Variants in GRID1 observed in about 807,000 individuals in gnomAD.
GRID1 encodes the protein glutamate ionotropic receptor delta type subunit 1.
A neutral mutation model predicts 98.0 loss-of-function variants in GRID1; 28 were observed. The observed-to-expected ratio is 0.29, with a 90% CI of 0.21 to 0.39. The LOEUF (loss-of-function observed/expected upper bound fraction) is 0.39, where lower values mean the gene tolerates loss of function less well. GRID1 is among the 10% of genes least tolerant of loss of function. GRID1 has a pLI of 1.00. For missense variants in GRID1, 1,111 were observed against 1,340.5 expected, an observed-to-expected ratio of 0.83 and a Z score of 2.67; for synonymous variants, 553 against 538.5, an observed-to-expected ratio of 1.03 and a Z score of -0.37.
chr10:86,004,613 T>C (rs1172202614), intron 4 of GRID1, among the ~76,000 whole-genome samples: 1 of 152,202 alleles, frequency 6.6e-6, no homozygotes, highest in East Asian at 1.9e-4. Context: ...ATCTGCATTA[T>C]TGGCCCTCTC....
intron 8 of GRID1, among the ~76,000 whole-genome samples, chr10:85,778,600 G>A (rs968789160): frequency 1.3e-5 from 2 of 152,194 alleles, no homozygotes. Context: ...AGGGCAAGGA[G>A]ACAAGTTTGA....
intron 5 of GRID1, among the ~76,000 whole-genome samples, chr10:85,911,346 A>G (rs549750961): frequency 1.8e-4 from 28 of 152,140 alleles, no homozygotes; most frequent in Non-Finnish European, 3.5e-4. Context: ...CAAGTGGCCA[A>G]GTCAAGAGGA....
chr10:85,886,584 T>C (rs1841121211), intron 5 of GRID1, among the ~76,000 whole-genome samples: 1 of 152,194 alleles, frequency 6.6e-6, no homozygotes, highest in Admixed American at 6.5e-5. Context: ...TTTGTTATAT[T>C]ACTCTCTGTA....
chr10:85,929,226 G>C (rs568977230), intron 4 of GRID1, among the ~76,000 whole-genome samples: 1 of 152,280 alleles, frequency 6.6e-6, no homozygotes, highest in East Asian at 1.9e-4. Flanking sequence ...TTGTGTGCAA[G>C]GCCAGCACAG....
At chr10:86,029,973 A>G (rs1843163658) in intron 4 of GRID1, among the ~76,000 whole-genome samples, 1 of 152,234 alleles carries the variant, frequency 6.6e-6, no homozygotes, top group Admixed American at 6.5e-5. Flanking sequence ...TTACTCTACT[A>G]TTTGCAGTAG....
chr10:85,890,757 C>A (rs1841188988), intron 5 of GRID1, among the ~76,000 whole-genome samples: 2 of 151,312 alleles, frequency 1.3e-5, no homozygotes, highest in Non-Finnish European at 1.5e-5. Context: ...GAGGAAAGAG[C>A]AAAGGAGCAA....
chr10:86,035,830 A>G (rs1843252625), intron 4 of GRID1, among the ~76,000 whole-genome samples: 1 of 152,242 alleles, frequency 6.6e-6, no homozygotes, highest in Non-Finnish European at 1.5e-5. Flanking sequence ...TGAGATACAC[A>G]GGCCCAGTGA....
At chr10:85,690,540 A>AC (rs1455266085) in intron 12 of GRID1, among the ~76,000 whole-genome samples, 1 of 152,196 alleles carries the variant, frequency 6.6e-6, no homozygotes, top group African/African-American at 2.4e-5. Flanking sequence ...TGAAATCAAG[A>AC]CATACCAGGT....
chr10:85,988,003 G>A (rs567163637), intron 4 of GRID1, among the ~76,000 whole-genome samples: 2 of 152,228 alleles, frequency 1.3e-5, no homozygotes, highest in South Asian at 4.2e-4. Flanking sequence ...CTAACACAGA[G>A]ACCCGCATTA....
At chr10:86,071,512 G>C (rs1843804611) in intron 4 of GRID1, among the ~76,000 whole-genome samples, 1 of 152,212 alleles carries the variant, frequency 6.6e-6, no homozygotes, top group South Asian at 2.1e-4. Context: ...TCAGATTACA[G>C]CCTCTGAAAG....
intron 13 of GRID1, among the ~76,000 whole-genome samples, chr10:85,632,518 T>C (rs542751170): frequency 1.3e-5 from 2 of 152,216 alleles, no homozygotes; most frequent in African/African-American, 4.8e-5. Flanking sequence ...GCTGGCGGTG[T>C]TGGAACAAGG....
intron 12 of GRID1, among the ~76,000 whole-genome samples, chr10:85,708,166 AGGCC>A (rs1841543818): frequency 1.3e-5 from 2 of 149,910 alleles, no homozygotes; most frequent in Non-Finnish European, 3.0e-5. Context: ...GCACTTTGGG[AGGCC>A]GAGGTGGGCG....
Position 86,308,675 on chromosome 10 carries a change from A to T in GRID1, c.235+55266T>A, listed in dbSNP as rs550534404. 5.9e-4 allele frequency among the ~76,000 whole-genome samples: 90 copies of T among 152,022 alleles called. 1 individual carries two copies. Among genetic ancestry groups the T allele is most frequent in the African/African-American group, 2.1e-3 (88 of 41,278 alleles). On this transcript the variant is annotated intron_variant, in intron 2 of 15. Coordinates refer to ENST00000327946, the MANE Select transcript of GRID1 (RefSeq NM_017551.3). ...AATGCTCGAGACTGGGTAATTTATTAAAAAAACAGAGATTTATTCCTTACA... is the reference window on the plus strand; with the variant it reads ...AATGCTCGAGACTGGGTAATTTATTTAAAAAACAGAGATTTATTCCTTACA...
At chr10:85,766,473 G>A (rs1349717578) in intron 8 of GRID1, among the ~76,000 whole-genome samples, 2 of 152,102 alleles carry the variant, frequency 1.3e-5, no homozygotes, top group Admixed American at 6.5e-5. Context: ...GAAACAGAGC[G>A]AGATTTGTCT....
At chr10:85,952,366 T>G (rs980190151) in intron 4 of GRID1, among the ~76,000 whole-genome samples, 1 of 152,212 alleles carries the variant, frequency 6.6e-6, no homozygotes, top group African/African-American at 2.4e-5. Context: ...GCTTTTAAGA[T>G]CCATCCAGAG....
chr10:85,829,192 A>G (rs1564603241), intron 8 of GRID1, among the ~76,000 whole-genome samples: 3 of 152,222 alleles, frequency 2.0e-5, no homozygotes, highest in Admixed American at 1.3e-4. Context: ...AAACAGAACT[A>G]AAAACAAAAG....
intron 4 of GRID1, among the ~76,000 whole-genome samples, chr10:85,975,752 G>T (rs1338906320): frequency 6.6e-6 from 1 of 152,194 alleles, no homozygotes; most frequent in Non-Finnish European, 1.5e-5. Flanking sequence ...CCCAGCAGAT[G>T]ATCAAGAAAA....
At chr10:85,620,794 T>A (rs1842850066) in intron 13 of GRID1, among the ~76,000 whole-genome samples, 1 of 152,230 alleles carries the variant, frequency 6.6e-6, no homozygotes, top group African/African-American at 2.4e-5. Flanking sequence ...CGCACATACA[T>A]GTGTAATAAG....
intron 12 of GRID1, 93 bp downstream of exon 12, chr10:85,722,910 C>G (rs1841719307): frequency 9.5e-7 from 1 of 1,055,772 alleles, no homozygotes; most frequent in Non-Finnish European, 1.3e-6. Flanking sequence ...GATCAGGGCT[C>G]TCTCCATCAT....
Sources: gnomAD v4.1 joint callset for allele counts (sites outside exome capture counted in the v4.1 genomes callset) on GRCh38, gnomAD v4.1.1 for gene constraint, MANE v1.5 for transcripts, NCBI Gene and HGNC (gene_info 2026-07-23, HGNC 2026-07-21) for gene names.